Variants in PLCB1 observed in about 807,000 individuals in gnomAD.
The protein encoded by PLCB1 is 1-phosphatidylinositol 4,5-bisphosphate phosphodiesterase beta-1.
In PLCB1, 46 loss-of-function variants were observed where a neutral mutation model predicts 161.8. The ratio of observed to expected loss-of-function variants is 0.28; its 90% CI spans 0.22 to 0.36. The LOEUF is 0.36. PLCB1 is among the 10% of genes least tolerant of loss of function. The pLI is 1.00. For missense variants in PLCB1, 1,016 were observed against 1,472.5 expected, an observed-to-expected ratio of 0.69 and a Z score of 5.07; for synonymous variants, 517 against 503.7, an observed-to-expected ratio of 1.03 and a Z score of -0.35.
At position 8,883,265 on chromosome 20, in the gene PLCB1, A is replaced by AACTT. The variant is rs1385598759; in HGVS notation, c.*1417_*1420dup. ...TTTCTATTTTATTCTAACATAAAAA[A>AACTT]ACTTCCATTATATATTTACTAAGTA... On this transcript the variant is annotated 3_prime_UTR_variant, in exon 32 of 32. Transcript: ENST00000338037. 3 of 152,270 alleles carry AACTT rather than the reference A, an allele frequency of 2.0e-5. No individual in the cohort carries two copies. In the East Asian group the frequency reaches 5.8e-4, roughly 29 times the overall value. 9.4% of individuals were successfully genotyped at this position (152,270 alleles called of 1,614,324 possible).
chr20:8,213,930 C>A (rs1025458762), intron 2 of PLCB1, among the ~76,000 whole-genome samples: 1 of 151,996 alleles, frequency 6.6e-6, no homozygotes, highest in East Asian at 1.9e-4. Context: ...ACGTCATTTT[C>A]CGACAGGGCA....
chr20:8,349,618 G>A (rs555272494), intron 2 of PLCB1, among the ~76,000 whole-genome samples: 60 of 152,314 alleles, frequency 3.9e-4, no homozygotes, highest in African/African-American at 1.4e-3. Flanking sequence ...AAAACATTTT[G>A]TTTTGTTTTG....
intron 2 of PLCB1, among the ~76,000 whole-genome samples, chr20:8,268,084 TTAGG>T (rs1414776408): frequency 6.6e-6 from 1 of 152,054 alleles, no homozygotes; most frequent in East Asian, 1.9e-4. Flanking sequence ...ATCATTTACA[TTAGG>T]TATATCTCCT....
chr20:8,834,578 G>A (rs1380559979), intron 31 of PLCB1, among the ~76,000 whole-genome samples: 2 of 152,028 alleles, frequency 1.3e-5, no homozygotes, highest in East Asian at 3.9e-4. Flanking sequence ...ACTTCAGGAA[G>A]CCAAGGCGGC....
chr20:8,390,645 G>A (rs1363284235), intron 3 of PLCB1, among the ~76,000 whole-genome samples: 1 of 152,112 alleles, frequency 6.6e-6, no homozygotes, highest in Non-Finnish European at 1.5e-5. Flanking sequence ...TGCATAGTCA[G>A]AATCATTTCA....
At chr20:8,222,860 A>G (rs1046193560) in intron 2 of PLCB1, among the ~76,000 whole-genome samples, 3 of 152,120 alleles carry the variant, frequency 2.0e-5, no homozygotes, top group Admixed American at 6.6e-5. Context: ...TTTATTACAC[A>G]GTTTTTTTTT....
chr20:8,477,015 C>G (rs897226748), intron 3 of PLCB1, among the ~76,000 whole-genome samples: 4 of 152,220 alleles, frequency 2.6e-5, no homozygotes, highest in East Asian at 3.9e-4. Flanking sequence ...TGTAGTTTTT[C>G]TGAAATCAGG....
intron 27 of PLCB1, among the ~76,000 whole-genome samples, chr20:8,782,196 G>A (rs1983275452): frequency 6.6e-6 from 1 of 152,036 alleles, no homozygotes; most frequent in South Asian, 2.1e-4. Context: ...TGACTTTTTT[G>A]TCCAAGACTT....
At position 8,276,980 on chromosome 20, in the gene PLCB1, CTTCTTCTTATTA is replaced by C. The variant is rs1264611125; in HGVS notation, c.178-94399_178-94388del. Among the ~76,000 whole-genome samples, 352 of 96,794 alleles carry C rather than the reference CTTCTTCTTATTA, an allele frequency of 3.6e-3. 6 individuals are homozygous for C. The highest frequency in any genetic ancestry group is 4.3e-3 in the Non-Finnish European group (203 of 47,122). The allele number at this position is 96,794 out of a possible 152,430, so 63.5% of individuals were successfully genotyped here. On this transcript the variant is annotated intron_variant, in intron 2 of 31. Coordinates refer to ENST00000338037, the MANE Select transcript of PLCB1 (RefSeq NM_015192.4). ...TCTTCTTCTTCTTCTTCTTCTTCTTCTTCTTCTTATTATTATTATTATTATTATTATTATTGT... is the reference window on the plus strand; with the variant it reads ...TCTTCTTCTTCTTCTTCTTCTTCTTCTTATTATTATTATTATTATTATTGT...
At position 8,884,838 on chromosome 20, in the gene PLCB1, A is replaced by ACTT; in HGVS notation, c.*2990_*2992dup. 6.5e-6 allele frequency: 1 copy of ACTT among 152,752 alleles called. No individual in the cohort carries two copies. The highest frequency in any genetic ancestry group is 1.9e-4 in the East Asian group (1 of 5,186). 9.5% of individuals were successfully genotyped at this position (152,752 alleles called of 1,614,324 possible). A position where few individuals can be genotyped will look rare whatever the true frequency, so the allele number is the denominator to read the frequency against. On this transcript the variant is annotated 3_prime_UTR_variant, in exon 32 of 32. Transcript: ENST00000338037. ...AATTTTGTGGCATGATGTTTCTTCC[A>ACTT]CTTGTAATTTTATGTGCTTTCATCA... is the stretch of plus-strand genomic sequence containing the variant.
intron 3 of PLCB1, among the ~76,000 whole-genome samples, chr20:8,427,946 A>G (rs1979857648): frequency 6.6e-6 from 1 of 152,190 alleles, no homozygotes; most frequent in Admixed American, 6.5e-5. Context: ...ACAATACACA[A>G]ACATCTATGA....
At chr20:8,683,872 T>C (rs1408715592) in intron 9 of PLCB1, among the ~76,000 whole-genome samples, 1 of 152,064 alleles carries the variant, frequency 6.6e-6, no homozygotes, top group Non-Finnish European at 1.5e-5. Flanking sequence ...GAGAAAAATA[T>C]CATTATTTGA....
At chr20:8,800,300 C>T (rs1485829012) in intron 31 of PLCB1, among the ~76,000 whole-genome samples, 7 of 152,290 alleles carry the variant, frequency 4.6e-5, no homozygotes, top group Non-Finnish European at 8.8e-5. Flanking sequence ...ACTTGGAGTG[C>T]TGTTTATACA....
chr20:8,556,007 TA>T (rs1370501973), intron 3 of PLCB1, among the ~76,000 whole-genome samples: 2 of 152,014 alleles, frequency 1.3e-5, no homozygotes, highest in Non-Finnish European at 1.5e-5. Flanking sequence ...TGAAATTTAA[TA>T]AGTGACTCTG....
chr20:8,747,157 T>C (rs1019783191), intron 23 of PLCB1, among the ~76,000 whole-genome samples: 1 of 152,256 alleles, frequency 6.6e-6, no homozygotes, highest in Non-Finnish European at 1.5e-5. Context: ...CATCTTTTGA[T>C]TGAATTTTTA....
intron 4 of PLCB1, among the ~76,000 whole-genome samples, chr20:8,634,111 T>A (rs758586884): frequency 5.3e-5 from 8 of 152,202 alleles, no homozygotes; most frequent in Non-Finnish European, 5.9e-5. Flanking sequence ...TAATGACTGG[T>A]CATAGATCTT....
chr20:8,855,215 T>TCC (rs150598583), intron 31 of PLCB1, among the ~76,000 whole-genome samples: 5 of 150,904 alleles, frequency 3.3e-5, no homozygotes, highest in African/African-American at 1.2e-4. Context: ...AGCAGATTCT[T>TCC]CCCCCCCCAC....
intron 11 of PLCB1, among the ~76,000 whole-genome samples, chr20:8,704,915 T>C (rs1165548474): frequency 1.3e-5 from 2 of 150,458 alleles, no homozygotes; most frequent in Non-Finnish European, 2.9e-5. Context: ...AGTCCAAGTC[T>C]CAAGGTAGGA....
At chr20:8,790,822 TA>T (rs1160394370) in intron 31 of PLCB1, among the ~76,000 whole-genome samples, 2 of 152,246 alleles carry the variant, frequency 1.3e-5, no homozygotes, top group Non-Finnish European at 2.9e-5. Flanking sequence ...TTATGAATAT[TA>T]ACTTTGAATG....
Sources: allele counts gnomAD v4.1 joint callset (sites outside exome capture counted in the v4.1 genomes callset), GRCh38; gene constraint gnomAD v4.1.1; transcripts MANE v1.5; gene names NCBI Gene and HGNC (gene_info 2026-07-23, HGNC 2026-07-21).